The following ZMYM5 variants were observed in gnomAD, a reference collection of about 807,000 sequenced individuals.
The protein encoded by ZMYM5 is zinc finger MYM-type containing 5.
Under a neutral mutation model 61.8 loss-of-function variants are expected in ZMYM5, and 41 were observed. The ratio of observed to expected loss-of-function variants is 0.66; its 90% CI spans 0.52 to 0.86. The LOEUF is 0.86. ZMYM5 is among the 40% of genes least tolerant of loss of function. The pLI is 0.00. For missense variants in ZMYM5, 706 were observed against 786.7 expected (o/e 0.90, Z 1.23); for synonymous variants, 257 against 276.4 (o/e 0.93, Z 0.70).
intron 4 of ZMYM5, among the ~76,000 whole-genome samples, chr13:19,842,220 TAC>T (rs1242173564): frequency 6.6e-6 from 1 of 152,184 alleles, no homozygotes; most frequent in Non-Finnish European, 1.5e-5. Flanking sequence ...CCAACCCACC[TAC>T]CCCATGGGCT....
intron 2 of ZMYM5, among the ~76,000 whole-genome samples, chr13:19,859,703 G>A (rs923841567): frequency 9.9e-5 from 15 of 151,816 alleles, no homozygotes; most frequent in African/African-American, 3.4e-4. Flanking sequence ...TACTGTGCCC[G>A]GCCTTTAGTT....
chr13:19,834,173 TC>T (rs934723961), intron 7 of ZMYM5, among the ~76,000 whole-genome samples: 6 of 152,288 alleles, frequency 3.9e-5, no homozygotes, highest in African/African-American at 1.2e-4. Context: ...AGACGGGGTT[TC>T]GCCACGTTGG....
chr13:19,824,662 A>G lies in ZMYM5; in HGVS notation c.1825T>C (p.Cys609Arg), dbSNP rs375980474. The G allele has an allele frequency of 3.0e-6, 4 of 1,328,508 alleles. No individual in the cohort carries two copies. The highest frequency in any genetic ancestry group is 1.5e-5 in the African/African-American group (1 of 66,916). The allele number at this position is 1,328,508 out of a possible 1,614,324, so 82.3% of individuals were successfully genotyped here. The change falls in exon 8 of 8, where the codon TGC (cysteine) becomes CGC (arginine). Residue 609 changes from cysteine (C) to arginine (R), a missense_variant. Physicochemically the swap from Cys to Arg is radical, Grantham distance 180. Coordinates refer to ENST00000337963, the MANE Select transcript of ZMYM5 (RefSeq NM_001142684.2). ...GKNQLKNENGCKDWQHLSHIL... is the reference protein window; with the variant it reads ...GKNQLKNENGRKDWQHLSHIL... ...TGTGATAAATGTTGCCAATCTTTGC[A>G]CCCATTTTCATTTTTCAGTTGATTT...
chr13:19,839,037 G>C (rs2138531232), intron 4 of ZMYM5, 52 bp from the exon 5 acceptor site: 1 of 1,573,972 alleles, frequency 6.4e-7, no homozygotes, highest in East Asian at 2.2e-5. Context: ...ATGTACATCA[G>C]AAAAATAACT....
chr13:19,845,344 A>G (rs1953037547), intron 4 of ZMYM5, among the ~76,000 whole-genome samples: 1 of 152,180 alleles, frequency 6.6e-6, no homozygotes, highest in Non-Finnish European at 1.5e-5. Flanking sequence ...ATTATGTGGC[A>G]TTTGCATTAA....
At chr13:19,834,037 C>T (rs745508229) in intron 7 of ZMYM5, among the ~76,000 whole-genome samples, 1 of 152,212 alleles carries the variant, frequency 6.6e-6, no homozygotes, top group East Asian at 1.9e-4. Context: ...AGCGCAATGG[C>T]GCAATCTCCG....
chr13:19,841,363 A>C (rs569190956), intron 4 of ZMYM5, among the ~76,000 whole-genome samples: 1 of 152,316 alleles, frequency 6.6e-6, no homozygotes, highest in African/African-American at 2.4e-5. Flanking sequence ...TCCTCTTTGC[A>C]GGTCCTCAGT....
At chr13:19,835,717 T>G (rs754913572) in intron 6 of ZMYM5, 28 bp from the exon 7 acceptor site, 6 of 1,355,556 alleles carry the variant, frequency 4.4e-6, no homozygotes, top group Middle Eastern at 2.2e-4. Context: ...ATTCATTAAC[T>G]AAGATATATG....
intron 7 of ZMYM5, among the ~76,000 whole-genome samples, chr13:19,832,028 T>C (rs983243654): frequency 4.0e-5 from 6 of 150,888 alleles, no homozygotes; most frequent in Non-Finnish European, 8.9e-5. Context: ...GGCTAACTTT[T>C]TGTATTTTTT....
intron 6 of ZMYM5, 60 bp from the exon 7 acceptor site, chr13:19,835,749 A>G (rs1952654566): frequency 8.1e-7 from 1 of 1,227,246 alleles, no homozygotes; most frequent in African/African-American, 1.5e-5. Context: ...CATAGCAAGC[A>G]ATGAGATAAC....
rs373730937 is a variant in ZMYM5 at position 19,825,170 on chromosome 13, T to G, written c.1317A>C (p.Glu439Asp). The G allele has an allele frequency of 5.4e-5, 70 of 1,307,252 alleles. No homozygotes were observed. In the African/African-American group the frequency reaches 1.0e-3, roughly 19 times the overall value. 81.0% of individuals were successfully genotyped at this position (1,307,252 alleles called of 1,614,324 possible). The change falls in exon 8 of 8, where the codon GAA becomes GAC. Residue 439 changes from glutamate (E) to aspartate (D), a missense_variant. Glu to Asp is a conservative substitution (Grantham distance 45, BLOSUM62 2). Around this residue, in one of 2 missense-constraint regions of ZMYM5, gnomAD observed 226 missense variants for 325.0 expected, o/e 0.70. Coordinates refer to ENST00000337963, the MANE Select transcript of ZMYM5 (RefSeq NM_001142684.2). The part of the protein sequence containing the change: ...SENRKRNAFR[E>D]ENEKQLYGSS... ...ATCCATATAATTGTTTCTCATTTTC[T>G]TCTCTAAAAGCATTCCTTTTTCTAT... is the stretch of plus-strand genomic sequence containing the variant.
At chr13:19,825,276 T>G in intron 7 of ZMYM5, 41 bp from the exon 8 acceptor site, 1 of 1,193,662 alleles carries the variant, frequency 8.4e-7, no homozygotes, top group Non-Finnish European at 1.1e-6. Context: ...TAGGTTAAAC[T>G]TTTAAAAATT....
intron 6 of ZMYM5, among the ~76,000 whole-genome samples, chr13:19,836,847 T>A (rs1292989994): frequency 6.6e-6 from 1 of 152,132 alleles, no homozygotes. Flanking sequence ...CCTGCATGCA[T>A]GTTTCTTCTC....
chr13:19,859,434 G>A (rs1006006944), intron 2 of ZMYM5, among the ~76,000 whole-genome samples: 56 of 151,960 alleles, frequency 3.7e-4, no homozygotes, highest in African/African-American at 1.1e-3. Flanking sequence ...ACGGAGTCTC[G>A]CTCTGTCACC....
intron 7 of ZMYM5, among the ~76,000 whole-genome samples, chr13:19,831,809 A>AC (rs1300765513): frequency 5.3e-5 from 8 of 150,684 alleles, no homozygotes; most frequent in Admixed American, 4.7e-4. Flanking sequence ...AAAAAAAAAA[A>AC]AAAAACCATA....
At chr13:19,853,492 T>C (rs563949809) in intron 2 of ZMYM5, among the ~76,000 whole-genome samples, 2 of 152,132 alleles carry the variant, frequency 1.3e-5, no homozygotes, top group South Asian at 2.1e-4. Flanking sequence ...GAGGTCTCAC[T>C]ATGTTGCCCA....
chr13:19,835,754 G>A, intron 6 of ZMYM5, 65 bp from the exon 7 acceptor site: 4 of 1,179,890 alleles, frequency 3.4e-6, no homozygotes, highest in Non-Finnish European at 4.6e-6. Context: ...CAAGCAATGA[G>A]ATAACTAGTT....
intron 2 of ZMYM5, among the ~76,000 whole-genome samples, chr13:19,860,956 G>GTGTC (rs1953733974): frequency 6.6e-6 from 1 of 151,046 alleles, no homozygotes; most frequent in African/African-American, 2.4e-5. Flanking sequence ...GTGTGTGTGT[G>GTGTC]TGTGTGTCTC....
chr13:19,853,884 T>C (rs1953409812), intron 2 of ZMYM5, among the ~76,000 whole-genome samples: 1 of 151,986 alleles, frequency 6.6e-6, no homozygotes, highest in African/African-American at 2.4e-5. Flanking sequence ...GCCTGGCCTC[T>C]GGCCTCAATT....
Sources: allele counts gnomAD v4.1 joint callset (sites outside exome capture counted in the v4.1 genomes callset), GRCh38; gene constraint gnomAD v4.1.1; regional missense constraint gnomAD v4.1.1; transcripts MANE v1.5; gene names NCBI Gene and HGNC (gene_info 2026-07-23, HGNC 2026-07-21).